WWTR1: variants seen among roughly 807,000 people sequenced by gnomAD.
WWTR1 encodes the protein WW domain-containing transcription regulator protein 1.
WWTR1 carries 13 observed loss-of-function variants against 40.1 expected under a neutral mutation model. That is an observed-to-expected ratio of 0.32 (90% confidence interval 0.21 to 0.52). The LOEUF (loss-of-function observed/expected upper bound fraction) is 0.52, where lower values mean the gene tolerates loss of function less well. Among genes scored for constraint, WWTR1 ranks in the 20% least tolerant of loss-of-function variants. The pLI is 0.97. For missense variants in WWTR1, 436 were observed against 523.1 expected (o/e 0.83, Z 1.63); for synonymous variants, 230 against 210.1 (o/e 1.09, Z -0.82).
chr3:149,518,991 T>C lies in WWTR1; in HGVS notation c.*1814A>G, dbSNP rs923198686. The C allele has an allele frequency of 1.3e-5, 2 of 152,070 alleles. No homozygotes were observed. Among genetic ancestry groups the C allele is most frequent in the Non-Finnish European group, 2.9e-5 (2 of 68,022 alleles). The allele number at this position is 152,070 out of a possible 1,614,324, so 9.4% of individuals were successfully genotyped here. On this transcript the variant is annotated 3_prime_UTR_variant, in exon 7 of 7. Coordinates refer to ENST00000360632, the MANE Select transcript of WWTR1 (RefSeq NM_015472.6). ...TGATCCAATGTACTCTGTACATGTATATTCCGGTAGATCAAAAGGAATCTT... is the reference window on the plus strand; with the variant it reads ...TGATCCAATGTACTCTGTACATGTACATTCCGGTAGATCAAAAGGAATCTT...
intron 2 of WWTR1, among the ~76,000 whole-genome samples, chr3:149,648,759 G>A (rs759976490): frequency 7.2e-5 from 11 of 152,172 alleles, no homozygotes; most frequent in Non-Finnish European, 1.6e-4. Context: ...ATAAATGACT[G>A]ACTTAGGACA....
At chr3:149,695,743 A>G (rs1714963731) in intron 1 of WWTR1, among the ~76,000 whole-genome samples, 1 of 147,460 alleles carries the variant, frequency 6.8e-6, no homozygotes, top group African/African-American at 2.5e-5. Flanking sequence ...CCTGGGCGAC[A>G]GAGCAAGGCT....
At chr3:149,721,821 C>T (rs1715764617) in intron 4 of WWTR1, among the ~76,000 whole-genome samples, 1 of 152,140 alleles carries the variant, frequency 6.6e-6, no homozygotes, top group Non-Finnish European at 1.5e-5. Flanking sequence ...ACTGCAGCTT[C>T]CTGAGTAGGT....
At chr3:149,619,143 G>C (rs932063587) in intron 2 of WWTR1, among the ~76,000 whole-genome samples, 1 of 152,210 alleles carries the variant, frequency 6.6e-6, no homozygotes, top group African/African-American at 2.4e-5. Context: ...ACCTCTTGGA[G>C]GTTGTACCAT....
chr3:149,554,087 G>A (rs763077470), intron 3 of WWTR1, among the ~76,000 whole-genome samples: 71 of 152,104 alleles, frequency 4.7e-4, no homozygotes, highest in Non-Finnish European at 8.1e-4. Context: ...ACTTCAGGGT[G>A]CATTTGGTTC....
chr3:149,534,545 A>G (rs928307107), intron 4 of WWTR1, among the ~76,000 whole-genome samples: 1 of 152,222 alleles, frequency 6.6e-6, no homozygotes, highest in Non-Finnish European at 1.5e-5. Context: ...AATGAACTGG[A>G]TGTATTCAAT....
At chr3:149,620,829 G>GCAGACC (rs749924585) in intron 2 of WWTR1, among the ~76,000 whole-genome samples, 1 of 152,200 alleles carries the variant, frequency 6.6e-6, no homozygotes, top group Non-Finnish European at 1.5e-5. Context: ...CCTCTAGGAT[G>GCAGACC]CAGAGCTAGG....
chr3:149,565,505 T>C (rs1737273256), intron 3 of WWTR1, among the ~76,000 whole-genome samples: 1 of 152,204 alleles, frequency 6.6e-6, no homozygotes, highest in Non-Finnish European at 1.5e-5. Context: ...ATTTATTTTT[T>C]ATATGCTATT....
chr3:149,568,072 G>A (rs182482483), intron 3 of WWTR1, among the ~76,000 whole-genome samples: 3 of 151,946 alleles, frequency 2.0e-5, no homozygotes, highest in African/African-American at 7.3e-5. Flanking sequence ...AGTAAGGAAG[G>A]CCCACAACCT....
chr3:149,684,421 G>T (rs1055708545), intron 1 of WWTR1, among the ~76,000 whole-genome samples: 7 of 152,066 alleles, frequency 4.6e-5, no homozygotes, highest in African/African-American at 1.7e-4. Context: ...ACCATTTCAA[G>T]ATTCTAAAAA....
chr3:149,691,034 T>A (rs557351227), intron 1 of WWTR1, among the ~76,000 whole-genome samples: 21 of 152,250 alleles, frequency 1.4e-4, no homozygotes, highest in Middle Eastern at 3.4e-3. Flanking sequence ...CTTTAAAGAT[T>A]TCTTGAAATT....
At chr3:149,661,733 GTTT>G (rs369645645), upstream of WWTR1, among the ~76,000 whole-genome samples, 2 of 133,856 alleles carry the variant, frequency 1.5e-5, no homozygotes, top group Non-Finnish European at 3.2e-5. Flanking sequence ...CACAAATAAA[GTTT>G]TTTTTTTTTT....
At position 149,717,836 on chromosome 3, in the gene WWTR1, T is replaced by G. The variant is rs188284981; in HGVS notation, n.460-270A>C. Among the ~76,000 whole-genome samples the G allele has an allele frequency of 2.8e-3, 425 of 152,304 alleles. 1 individual carries two copies. Among genetic ancestry groups the G allele is most frequent in the African/African-American group, 9.4e-3 (390 of 41,570 alleles). On this transcript the variant is annotated intron_variant and non_coding_transcript_variant, in intron 4 of 6. Coordinates refer to the WWTR1 transcript ENST00000474080. ...AATTCAGGAACAAGACTATGGTAGC[T>G]TGTTAGTATTCACATGTTTTCTACT...
At chr3:149,553,045 G>T (rs1475076955) in intron 3 of WWTR1, among the ~76,000 whole-genome samples, 3 of 152,168 alleles carry the variant, frequency 2.0e-5, no homozygotes, top group Non-Finnish European at 4.4e-5. Context: ...GTTAGCTTCT[G>T]CTCACATCCC....
chr3:149,581,364 C>G (rs1738149220), intron 2 of WWTR1, among the ~76,000 whole-genome samples: 1 of 151,664 alleles, frequency 6.6e-6, no homozygotes, highest in East Asian at 1.9e-4. Context: ...AAAAAAGACT[C>G]ATGCCATATA....
At chr3:149,555,307 C>G (rs905628691) in intron 3 of WWTR1, among the ~76,000 whole-genome samples, 10 of 151,968 alleles carry the variant, frequency 6.6e-5, no homozygotes, top group Non-Finnish European at 1.5e-4. Context: ...AAGAGGTAGT[C>G]AAAAGACTTG....
chr3:149,565,457 A>G (rs2107983330), intron 3 of WWTR1, among the ~76,000 whole-genome samples: 1 of 152,208 alleles, frequency 6.6e-6, no homozygotes, highest in Admixed American at 6.5e-5. Flanking sequence ...AGACTCATCC[A>G]CATTAAGATA....
intron 1 of WWTR1, among the ~76,000 whole-genome samples, chr3:149,690,482 T>A (rs1443050517): frequency 6.6e-6 from 1 of 151,884 alleles, no homozygotes; most frequent in Non-Finnish European, 1.5e-5. Flanking sequence ...TTAGACAAAA[T>A]AGATTTCAAG....
At chr3:149,696,785 C>T (rs1715008508) in intron 1 of WWTR1, among the ~76,000 whole-genome samples, 2 of 152,166 alleles carry the variant, frequency 1.3e-5, no homozygotes, top group Admixed American at 1.3e-4. Context: ...AATGTGATCA[C>T]ATCACTCCCC....
Sources: gnomAD v4.1 joint callset for allele counts (sites outside exome capture counted in the v4.1 genomes callset) on GRCh38, gnomAD v4.1.1 for gene constraint, MANE v1.5 for transcripts, NCBI Gene and HGNC (gene_info 2026-07-23, HGNC 2026-07-21) for gene names.